TTC28: variants seen among roughly 807,000 people sequenced by gnomAD.
The protein encoded by TTC28 is tetratricopeptide repeat domain 28.
A neutral mutation model predicts 198.0 loss-of-function variants in TTC28; 61 were observed. The ratio of observed to expected loss-of-function variants is 0.31; its 90% CI spans 0.25 to 0.38. The LOEUF (loss-of-function observed/expected upper bound fraction) is 0.38, where lower values mean the gene tolerates loss of function less well. TTC28 is among the 10% of genes least tolerant of loss of function. The pLI is 1.00. For missense variants in TTC28, 2,678 were observed against 3,164.0 expected, an observed-to-expected ratio of 0.85 and a Z score of 3.69; for synonymous variants, 1,171 against 1,297.8, an observed-to-expected ratio of 0.90 and a Z score of 2.10.
At chr22:28,176,109 T>A (rs1923142491) in intron 5 of TTC28, among the ~76,000 whole-genome samples, 1 of 152,216 alleles carries the variant, frequency 6.6e-6, no homozygotes. Flanking sequence ...ATTACCTGCA[T>A]TCCCATGTTC....
At position 27,983,110 on chromosome 22, in the gene TTC28, T is replaced by C; in HGVS notation, c.6557A>G (p.Gln2186Arg). 2 of 1,551,776 alleles carry C rather than the reference T, an allele frequency of 1.3e-6. No individual in the cohort carries two copies. The highest frequency in any genetic ancestry group is 1.4e-5 in the African/African-American group (1 of 73,186). ...TTCAGGGTTATTACTCTTGCTCACC[T>C]GGCCGCCGCTCCTCTGAAGACGCTC... ...AVERLQRSGG[Q>R]VSKSNNPEDG... Residue 2186 changes from glutamine to arginine, a missense_variant, in exon 23 of 23, where the codon CAG becomes CGG. Around this residue, in one of 8 missense-constraint regions of TTC28, gnomAD observed 622 missense variants for 656.0 expected, o/e 0.95. Coordinates refer to ENST00000397906, the MANE Select transcript of TTC28 (RefSeq NM_001145418.2).
chr22:28,224,346 T>C (rs1044180967), intron 5 of TTC28, among the ~76,000 whole-genome samples: 5 of 152,154 alleles, frequency 3.3e-5, no homozygotes, highest in Non-Finnish European at 7.3e-5. Context: ...CAAGGTTCCA[T>C]AGCACATGTA....
chr22:28,547,798 C>A (rs1051838296), intron 2 of TTC28, among the ~76,000 whole-genome samples: 1 of 150,944 alleles, frequency 6.6e-6, no homozygotes, highest in Non-Finnish European at 1.5e-5. Flanking sequence ...AGACATGTAT[C>A]ATTTAACTCC....
At position 28,294,578 on chromosome 22, in the gene TTC28, T is replaced by C. The variant is rs565550585; in HGVS notation, c.933+1620A>G. Among the ~76,000 whole-genome samples the C allele has an allele frequency of 2.6e-5, 4 of 152,076 alleles. 1 individual carries two copies. The South Asian group carries it at 8.3e-4, about 32-fold the overall frequency. On this transcript the variant is annotated intron_variant, in intron 5 of 22. Coordinates refer to ENST00000397906, the MANE Select transcript of TTC28 (RefSeq NM_001145418.2). ...CAGCTCTTGCCTTTTTTTTTTTTCTTTCCCCCCCAAGATGGAGTCTTGCTC... is the reference window on the plus strand; with the variant it reads ...CAGCTCTTGCCTTTTTTTTTTTTCTCTCCCCCCCAAGATGGAGTCTTGCTC...
At chr22:28,021,447 G>A (rs1397153479) in intron 13 of TTC28, among the ~76,000 whole-genome samples, 1 of 152,162 alleles carries the variant, frequency 6.6e-6, no homozygotes, top group Non-Finnish European at 1.5e-5. Context: ...CTGAGGGAAG[G>A]CTTTGCTCCT....
intron 2 of TTC28, among the ~76,000 whole-genome samples, chr22:28,609,628 C>T (rs991924055): frequency 1.3e-5 from 2 of 152,096 alleles, no homozygotes; most frequent in Non-Finnish European, 1.5e-5. Context: ...CCCTGGGTTT[C>T]GAGCACAAAA....
At chr22:28,084,828 A>G (rs1165574608) in intron 12 of TTC28, among the ~76,000 whole-genome samples, 1 of 152,206 alleles carries the variant, frequency 6.6e-6, no homozygotes, top group Non-Finnish European at 1.5e-5. Context: ...GACCTGATGG[A>G]GCTGAAAACC....
At chr22:28,068,703 T>C (rs1275410185) in intron 12 of TTC28, among the ~76,000 whole-genome samples, 1 of 152,230 alleles carries the variant, frequency 6.6e-6, no homozygotes, top group Non-Finnish European at 1.5e-5. Flanking sequence ...ATCACTTTAA[T>C]GTTTGAATAG....
intron 2 of TTC28, among the ~76,000 whole-genome samples, chr22:28,418,409 T>G (rs923927862): frequency 3.3e-5 from 5 of 152,230 alleles, no homozygotes; most frequent in Non-Finnish European, 5.9e-5. Flanking sequence ...GAAATTAGAT[T>G]TTTTGAAGAA....
At chr22:28,191,443 C>T (rs1052743755) in intron 5 of TTC28, among the ~76,000 whole-genome samples, 1 of 152,172 alleles carries the variant, frequency 6.6e-6, no homozygotes, top group Non-Finnish European at 1.5e-5. Flanking sequence ...ACAGTGGGTG[C>T]AGGTCAGTGG....
intron 2 of TTC28, among the ~76,000 whole-genome samples, chr22:28,473,151 AATGAAAAAG>A (rs1471171618): frequency 6.6e-6 from 1 of 152,224 alleles, no homozygotes; most frequent in Non-Finnish European, 1.5e-5. Context: ...ATGAAATAAA[AATGAAAAAG>A]GTATGAAAGC....
In TTC28 at chr22:27,999,176, C is replaced by A. The variant is rs779585702; in HGVS notation, c.4483G>T (p.Val1495Leu). Residue 1495 changes from valine (V) to leucine (L), a missense_variant, in exon 16 of 23, where the codon GTG becomes TTG. Physicochemically the swap from Val to Leu is conservative, Grantham distance 32 (BLOSUM62 1). Around this residue, in one of 8 missense-constraint regions of TTC28, gnomAD observed 727 missense variants for 861.9 expected, o/e 0.84. Transcript: ENST00000397906. ...GGCCCCCACAGCCACCTGTCCATCA[C>A]GGCCGATGGTAGCTTGGGGTTGCCG... ...VIGNPKLPSA[V>L]MDRWLWGPMP... 6.4e-7 allele frequency: 1 copy of A among 1,550,660 alleles called. No homozygotes were observed. The highest frequency in any genetic ancestry group is 1.4e-5 in the African/African-American group (1 of 73,054).
chr22:28,246,538 AATAGACCCTAGC>A (rs1930109440), intron 5 of TTC28, among the ~76,000 whole-genome samples: 1 of 152,166 alleles, frequency 6.6e-6, no homozygotes, highest in South Asian at 2.1e-4. Context: ...CTATGCTAGG[AATAGACCCTAGC>A]ATAGCTGCAT....
intron 5 of TTC28, among the ~76,000 whole-genome samples, chr22:28,175,480 C>G (rs1276288367): frequency 6.6e-6 from 1 of 152,152 alleles, no homozygotes; most frequent in African/African-American, 2.4e-5. Context: ...GCCTGTAATC[C>G]CAGCAGTTTG....
intron 12 of TTC28, among the ~76,000 whole-genome samples, chr22:28,050,095 T>C (rs1301171211): frequency 2.0e-5 from 3 of 152,092 alleles, no homozygotes; most frequent in Non-Finnish European, 1.5e-5. Flanking sequence ...GTAGATCTTA[T>C]CTTTGTTAAA....
chr22:28,129,015 T>A (rs1942988659), intron 6 of TTC28, among the ~76,000 whole-genome samples: 1 of 152,206 alleles, frequency 6.6e-6, no homozygotes. Context: ...GATGCCTAAC[T>A]GCCTTGGACA....
At chr22:28,580,713 A>G (rs2050222250) in intron 2 of TTC28, among the ~76,000 whole-genome samples, 1 of 152,176 alleles carries the variant, frequency 6.6e-6, no homozygotes, top group Non-Finnish European at 1.5e-5. Context: ...TTTTATCTGA[A>G]TCTATTTGCT....
intron 2 of TTC28, among the ~76,000 whole-genome samples, chr22:28,616,052 T>G (rs1401818227): frequency 6.6e-6 from 1 of 152,236 alleles, no homozygotes; most frequent in Non-Finnish European, 1.5e-5. Context: ...TAAAATTGAA[T>G]AGTCTCTGCA....
intron 2 of TTC28, among the ~76,000 whole-genome samples, chr22:28,521,794 A>G (rs1172628501): frequency 6.6e-6 from 1 of 152,178 alleles, no homozygotes; most frequent in Non-Finnish European, 1.5e-5. Context: ...GAGGCTGAGC[A>G]GGAAATCTTT....
Sources: allele counts gnomAD v4.1 joint callset (sites outside exome capture counted in the v4.1 genomes callset), GRCh38; gene constraint gnomAD v4.1.1; regional missense constraint gnomAD v4.1.1; transcripts MANE v1.5; gene names NCBI Gene and HGNC (gene_info 2026-07-23, HGNC 2026-07-21).